SV2B: variants seen among roughly 807,000 people sequenced by gnomAD.
The protein encoded by SV2B is solute carrier family 22 member B2.
A neutral mutation model predicts 73.9 loss-of-function variants in SV2B; 41 were observed. The ratio of observed to expected loss-of-function variants is 0.56; its 90% CI spans 0.43 to 0.72. The LOEUF is 0.72. SV2B is among the 30% of genes least tolerant of loss of function. SV2B has a pLI of 0.00. For missense variants in SV2B, 764 were observed against 857.8 expected, an observed-to-expected ratio of 0.89 and a Z score of 1.37; for synonymous variants, 314 against 314.2, an observed-to-expected ratio of 1.00 and a Z score of 0.01.
intron 1 of SV2B, among the ~76,000 whole-genome samples, chr15:91,181,165 C>A (rs1204248605): frequency 1.3e-5 from 2 of 152,218 alleles, no homozygotes; most frequent in Admixed American, 1.3e-4. Flanking sequence ...CCACTCCAGA[C>A]CCTGTTTGCC....
At chr15:91,282,038 G>A (rs2048698988) in intron 10 of SV2B, among the ~76,000 whole-genome samples, 177 bp downstream of exon 10, 1 of 152,246 alleles carries the variant, frequency 6.6e-6, no homozygotes, top group African/African-American at 2.4e-5. Flanking sequence ...TAGGTGCACA[G>A]CCTTTGCTAA....
chr15:91,237,448 G>A (rs964928090), intron 2 of SV2B, among the ~76,000 whole-genome samples: 1 of 152,244 alleles, frequency 6.6e-6, no homozygotes, highest in African/African-American at 2.4e-5. Context: ...CACTGCACTA[G>A]ATGAATGTCC....
At chr15:91,286,121 G>A (rs2048852249) in intron 11 of SV2B, among the ~76,000 whole-genome samples, 1 of 152,190 alleles carries the variant, frequency 6.6e-6, no homozygotes, top group South Asian at 2.1e-4. Flanking sequence ...GTTAAGAGCT[G>A]AGACAGGACC....
At chr15:91,248,908 G>A (rs1008877044) in intron 2 of SV2B, among the ~76,000 whole-genome samples, 4 of 152,016 alleles carry the variant, frequency 2.6e-5, no homozygotes, top group Non-Finnish European at 5.9e-5. Context: ...GTGGACTCAG[G>A]GTGTGGGGTG....
In SV2B at chr15:91,281,134, C is replaced by T. The variant is rs1446856053; in HGVS notation, c.1374-594C>T. ...ATCAGTGAATGTATCTCTTTGAATA[C>T]ATGGGCAAGTATGTGTAGGATAAAT... On this transcript the variant is annotated intron_variant, in intron 9 of 12. Transcript: ENST00000394232. This position sits in a 1 kb window ranked among gnomAD's most constrained non-coding sequence, Gnocchi z 4.7. Among the ~76,000 whole-genome samples, 1 of 152,158 alleles carries T rather than the reference C, an allele frequency of 6.6e-6. No individual in the cohort carries two copies. Among genetic ancestry groups the T allele is most frequent in the Non-Finnish European group, 1.5e-5 (1 of 68,028 alleles).
chr15:91,134,323 C>T (rs1477512216), intron 1 of SV2B, among the ~76,000 whole-genome samples: 1 of 152,076 alleles, frequency 6.6e-6, no homozygotes, highest in Non-Finnish European at 1.5e-5. Flanking sequence ...TGTCATCACT[C>T]AACTTCTTCT....
rs187053932 is a variant in SV2B, at chr15:91,244,315, T to C, written c.452-7504T>C. Among the ~76,000 whole-genome samples the C allele has an allele frequency of 3.7e-4, 57 of 152,320 alleles. 2 individuals are homozygous for C. The highest frequency in any genetic ancestry group is 3.4e-3 in the Middle Eastern group (1 of 294). On this transcript the variant is annotated intron_variant, in intron 2 of 12. Coordinates refer to ENST00000394232, the MANE Select transcript of SV2B (RefSeq NM_001323032.3). ...GTCCCTTCATTTCTCCTCTACACAT[T>C]TGTATCCAAATATCTTATGTGACAT...
At chr15:91,112,898 C>T (rs2042076193) in intron 1 of SV2B, among the ~76,000 whole-genome samples, 1 of 152,200 alleles carries the variant, frequency 6.6e-6, no homozygotes, top group African/African-American at 2.4e-5. Flanking sequence ...CTCACTGCAG[C>T]CTCAAACTCC....
intron 1 of SV2B, among the ~76,000 whole-genome samples, chr15:91,209,731 T>A (rs2045786165): frequency 6.6e-6 from 1 of 152,170 alleles, no homozygotes; most frequent in African/African-American, 2.4e-5. Context: ...CTTTCTCAGC[T>A]CCTGTTACCT....
At chr15:91,135,455 A>T (rs1312057768) in intron 1 of SV2B, among the ~76,000 whole-genome samples, 1 of 152,174 alleles carries the variant, frequency 6.6e-6, no homozygotes, top group Non-Finnish European at 1.5e-5. Context: ...TGAAAAACAG[A>T]GGTACTTTTT....
chr15:91,112,283 A>G (rs770773165), intron 1 of SV2B, among the ~76,000 whole-genome samples: 2 of 152,096 alleles, frequency 1.3e-5, no homozygotes, highest in Admixed American at 1.3e-4. Flanking sequence ...GATACAGAGG[A>G]GCTGGTTGTC....
intron 12 of SV2B, among the ~76,000 whole-genome samples, chr15:91,291,695 T>C (rs2049045830): frequency 6.6e-6 from 1 of 152,208 alleles, no homozygotes; most frequent in African/African-American, 2.4e-5. Context: ...TCTTTCTATC[T>C]CATTGTTTTT....
intron 1 of SV2B, among the ~76,000 whole-genome samples, chr15:91,195,129 C>T (rs2045198449): frequency 6.6e-6 from 1 of 152,166 alleles, no homozygotes; most frequent in Non-Finnish European, 1.5e-5. Flanking sequence ...TCAGTAACTA[C>T]TAGCCATGGA....
At chr15:91,248,563 G>A (rs984568204) in intron 2 of SV2B, among the ~76,000 whole-genome samples, 2 of 152,192 alleles carry the variant, frequency 1.3e-5, no homozygotes, top group African/African-American at 4.8e-5. Context: ...GAAAGTGAGA[G>A]GTTTTGCTCC....
chr15:91,272,640 A>C (rs1252913363), intron 9 of SV2B, among the ~76,000 whole-genome samples: 2 of 152,128 alleles, frequency 1.3e-5, no homozygotes, highest in Non-Finnish European at 2.9e-5. Context: ...TGAATAGCTC[A>C]GTATGAAAAT....
At position 91,302,425 on chromosome 15, in the gene SV2B, C is replaced by CA. The variant is rs2049470280; in HGVS notation, c.*9873_*9874insA. ...AGTGGTGATGCTGGTTGTCAGAGGG[C>CA]TGAGGGTGGTGGCCTTTTGCTAACT... is the stretch of plus-strand genomic sequence containing the variant. On this transcript the variant is annotated 3_prime_UTR_variant, in exon 13 of 13. Coordinates refer to ENST00000394232, the MANE Select transcript of SV2B (RefSeq NM_001323032.3). Among the ~76,000 whole-genome samples, 1 of 151,952 alleles carries CA rather than the reference C, an allele frequency of 6.6e-6. No individual in the cohort carries two copies. Among genetic ancestry groups the CA allele is most frequent in the East Asian group, 1.9e-4 (1 of 5,176 alleles).
chr15:91,209,984 T>A (rs1403228107), intron 1 of SV2B, among the ~76,000 whole-genome samples: 1 of 151,876 alleles, frequency 6.6e-6, no homozygotes, highest in East Asian at 1.9e-4. Context: ...TAAGCTGAAT[T>A]GGGGAAGAGA....
chr15:91,108,063 C>G (rs2041938398), intron 1 of SV2B, among the ~76,000 whole-genome samples: 2 of 152,122 alleles, frequency 1.3e-5, no homozygotes, highest in African/African-American at 4.8e-5. Context: ...TCTGCAGTCT[C>G]CTTCATGCTC....
Position 91,293,264 on chromosome 15 carries a change from C to T in SV2B, c.*712C>T, listed in dbSNP as rs1212805406. ...TTCTGTAAACTAAGTTTGTATATAA[C>T]TTTATTTGGGTTTAATTTCCACAAC... is the stretch of plus-strand genomic sequence containing the variant. On this transcript the variant is annotated 3_prime_UTR_variant, in exon 13 of 13. Coordinates refer to ENST00000394232, the MANE Select transcript of SV2B (RefSeq NM_001323032.3). The T allele has an allele frequency of 1.3e-5, 2 of 152,112 alleles. No individual in the cohort carries two copies. Among genetic ancestry groups the T allele is most frequent in the East Asian group, 3.9e-4 (2 of 5,190 alleles). The allele number at this position is 152,112 out of a possible 1,614,324, so 9.4% of individuals were successfully genotyped here. A position where few individuals can be genotyped will look rare whatever the true frequency, so the allele number is the denominator to read the frequency against.
Sources: allele counts gnomAD v4.1 joint callset (sites outside exome capture counted in the v4.1 genomes callset), GRCh38; gene constraint gnomAD v4.1.1; non-coding constraint Gnocchi (gnomAD v3.1); transcripts MANE v1.5; gene names NCBI Gene and HGNC (gene_info 2026-07-23, HGNC 2026-07-21).